SGK1: variants seen among roughly 807,000 people sequenced by gnomAD.
SGK1 encodes the protein serine/threonine-protein kinase Sgk1.
In SGK1, 26 loss-of-function variants were observed where a neutral mutation model predicts 64.2. The ratio of observed to expected loss-of-function variants is 0.40; its 90% CI spans 0.30 to 0.56. The LOEUF is 0.56. SGK1 is among the 20% of genes least tolerant of loss of function. The pLI is 0.38. For synonymous variants in SGK1, 265 were observed against 239.7 expected (o/e 1.11, Z -0.98); for missense variants, 519 against 645.6 (o/e 0.80, Z 2.12).
chr6:134,286,612 T>G (rs1335510517), intron 1 of SGK1, among the ~76,000 whole-genome samples: 1 of 151,620 alleles, frequency 6.6e-6, no homozygotes, highest in Non-Finnish European at 1.5e-5. Flanking sequence ...GACTACAGGC[T>G]GGGACACGAT....
intron 1 of SGK1, among the ~76,000 whole-genome samples, chr6:134,271,929 C>T (rs972132623): frequency 6.9e-6 from 1 of 145,768 alleles, no homozygotes; most frequent in Admixed American, 7.1e-5. Flanking sequence ...GCAACCTCCA[C>T]CTCCCAGGTT....
At chr6:134,232,506 AGAG>A (rs1776306323) in intron 2 of SGK1, among the ~76,000 whole-genome samples, 1 of 144,648 alleles carries the variant, frequency 6.9e-6, no homozygotes, top group Admixed American at 6.8e-5. Flanking sequence ...AAAAGAAAGA[AGAG>A]GGAGGGAGGG....
intron 3 of SGK1, among the ~76,000 whole-genome samples, chr6:134,205,069 G>T (rs1171613186): frequency 6.6e-6 from 1 of 152,028 alleles, no homozygotes; most frequent in Non-Finnish European, 1.5e-5. Flanking sequence ...CTGCTTCACA[G>T]ATAGAGCAGT....
chr6:134,195,649 G>T (rs1775584360), intron 3 of SGK1, among the ~76,000 whole-genome samples: 1 of 152,214 alleles, frequency 6.6e-6, no homozygotes, highest in African/African-American at 2.4e-5. Context: ...GATGGTTTAA[G>T]TCATGCAAAA....
intron 1 of SGK1, among the ~76,000 whole-genome samples, chr6:134,273,397 C>A (rs370015579): frequency 1.5e-5 from 2 of 135,772 alleles, no homozygotes; most frequent in African/African-American, 5.1e-5. Context: ...GAAACCATCC[C>A]GGCTAAAACG....
chr6:134,296,796 A>C (rs1462950859), intron 1 of SGK1, among the ~76,000 whole-genome samples: 56 of 151,146 alleles, frequency 3.7e-4, no homozygotes, highest in African/African-American at 1.3e-3. Context: ...AAAAAAAAAA[A>C]AACAGTTGAA....
intron 1 of SGK1, among the ~76,000 whole-genome samples, chr6:134,306,246 A>T (rs1324757294): frequency 6.6e-6 from 1 of 151,960 alleles, no homozygotes; most frequent in Non-Finnish European, 1.5e-5. Flanking sequence ...AACATGGTGA[A>T]ACCCCATCTC....
intron 3 of SGK1, among the ~76,000 whole-genome samples, chr6:134,175,058 C>T (rs1775185345): frequency 6.6e-6 from 1 of 152,040 alleles, no homozygotes; most frequent in Non-Finnish European, 1.5e-5. Flanking sequence ...GGCGGGGGCG[C>T]GAGGACCGCC....
chr6:134,260,367 G>GGCCCCCCC (rs1491556165), intron 2 of SGK1: 4 of 56,808 alleles, frequency 7.0e-5, no homozygotes, highest in Non-Finnish European at 1.6e-4. Flanking sequence ...CCCTGTCCCC[G>GGCCCCCCC]ACCCCCACCC....
chr6:134,280,422 G>C, intron 1 of SGK1, among the ~76,000 whole-genome samples: 2 of 152,054 alleles, frequency 1.3e-5, no homozygotes, highest in South Asian at 4.1e-4. Context: ...TGGTAATTTA[G>C]CTTATTTTTA....
At chr6:134,303,507 G>C (rs982660278) in intron 1 of SGK1, among the ~76,000 whole-genome samples, 7 of 151,860 alleles carry the variant, frequency 4.6e-5, no homozygotes, top group African/African-American at 7.3e-5. Context: ...GTCTGATCTC[G>C]TATTAGGAGT....
chr6:134,184,006 C>T (rs541924226), intron 3 of SGK1, among the ~76,000 whole-genome samples: 1 of 152,178 alleles, frequency 6.6e-6, no homozygotes, highest in South Asian at 2.1e-4. Context: ...CTAATCAGGT[C>T]GCTGCCTGCC....
chr6:134,283,873 CAAAAAAAAAAAAAAAA>C (rs35999916), intron 1 of SGK1, among the ~76,000 whole-genome samples: 1,111 of 26,258 alleles, frequency 0.042, 43 homozygotes, highest in African/African-American at 0.13. Context: ...CTGCCACCAC[CAAAAAAAAAAAAAAAA>C]AAAAAAAAAA....
chr6:134,228,047 C>T (rs1336496244), intron 2 of SGK1, among the ~76,000 whole-genome samples: 3 of 147,474 alleles, frequency 2.0e-5, no homozygotes, highest in African/African-American at 5.0e-5. Context: ...CTCCACCTCC[C>T]GGGCTCAAGC....
At chr6:134,296,316 G>A (rs898360962) in intron 1 of SGK1, among the ~76,000 whole-genome samples, 7 of 151,990 alleles carry the variant, frequency 4.6e-5, no homozygotes, top group Admixed American at 6.6e-5. Flanking sequence ...TGTGTTGGCC[G>A]GGCTGGAGTG....
In SGK1 at chr6:134,177,235, CAAAACA is replaced by C. The variant is rs1037167472; in HGVS notation, c.362-2655_362-2650del. The stretch of plus-strand genomic sequence containing the variant: ...CTCAAAACAAACAAACAAACAAAAA[CAAAACA>C]AAAACAAAAACAAAAAAAACACTAG... On this transcript the variant is annotated intron_variant, in intron 3 of 13. Coordinates refer to ENST00000367858, the MANE Select transcript of SGK1 (RefSeq NM_001143676.3). 1.2e-4 allele frequency among the ~76,000 whole-genome samples: 13 copies of C among 108,702 alleles called. No homozygotes were observed. The East Asian group carries it at 1.6e-3, about 14-fold the overall frequency. The allele number at this position is 108,702 out of a possible 152,430, so 71.3% of individuals were successfully genotyped here.
intron 1 of SGK1, among the ~76,000 whole-genome samples, chr6:134,295,022 A>G (rs1435859332): frequency 2.6e-5 from 4 of 152,216 alleles, no homozygotes; most frequent in Non-Finnish European, 5.9e-5. Flanking sequence ...GGCTACATTT[A>G]TAATTGGAGA....
intron 2 of SGK1, among the ~76,000 whole-genome samples, chr6:134,227,039 G>T (rs540998326): frequency 6.6e-6 from 1 of 152,292 alleles, no homozygotes; most frequent in Admixed American, 6.5e-5. Flanking sequence ...GTTTTCACTT[G>T]CTCTTTCCCC....
At position 134,274,303 on chromosome 6, in the gene SGK1, C is replaced by T. The variant is rs182628691; in HGVS notation, c.70-12155G>A. Among the ~76,000 whole-genome samples the T allele has an allele frequency of 1.4e-4, 21 of 152,208 alleles. No homozygotes were observed. The East Asian group carries it at 4.1e-3, about 29-fold the overall frequency. On this transcript the variant is annotated intron_variant, in intron 1 of 13. Transcript: ENST00000367858. ...ATAGGCGTGAGCCACCGTGCCCAGC[C>T]TCAAATGTGTTTTTCAATACAGTAT...
Sources: allele counts gnomAD v4.1 joint callset (sites outside exome capture counted in the v4.1 genomes callset), GRCh38; gene constraint gnomAD v4.1.1; transcripts MANE v1.5; gene names NCBI Gene and HGNC (gene_info 2026-07-23, HGNC 2026-07-21).